MED13: variants seen among roughly 807,000 people sequenced by gnomAD.
MED13 encodes mediator complex subunit 13, also known as mediator of RNA polymerase II transcription subunit 13.
A neutral mutation model predicts 225.2 loss-of-function variants in MED13; 23 were observed. The observed-to-expected ratio is 0.10, with a 90% CI of 0.07 to 0.14. The LOEUF (loss-of-function observed/expected upper bound fraction) is 0.14. Ranked by LOEUF, MED13 falls within the 10% of genes least tolerant of loss-of-function variation. The pLI is 1.00. For missense variants in MED13, 2,197 were observed against 2,594.5 expected (o/e 0.85, Z 3.33); for synonymous variants, 942 against 889.2 (o/e 1.06, Z -1.06).
intron 3 of MED13, among the ~76,000 whole-genome samples, chr17:62,039,500 C>T (rs2080834474): frequency 1.3e-5 from 2 of 151,754 alleles, no homozygotes; most frequent in Admixed American, 6.6e-5. Flanking sequence ...CCAGGCTGGT[C>T]TCAAACTCCT....
chr17:62,014,341 C>T (rs1017702723), intron 8 of MED13, among the ~76,000 whole-genome samples: 2 of 136,066 alleles, frequency 1.5e-5, no homozygotes, highest in Non-Finnish European at 3.0e-5. Flanking sequence ...TTTTGAGACA[C>T]AGTTTCACTC....
chr17:62,049,350 G>A (rs1241923768), intron 3 of MED13, among the ~76,000 whole-genome samples: 1 of 152,198 alleles, frequency 6.6e-6, no homozygotes, highest in African/African-American at 2.4e-5. Context: ...CAGGTACACA[G>A]ATCAGGAGTC....
chr17:62,028,604 T>C (rs1215665316), intron 8 of MED13, among the ~76,000 whole-genome samples: 1 of 151,614 alleles, frequency 6.6e-6, no homozygotes, highest in Non-Finnish European at 1.5e-5. Context: ...GTATTTACTA[T>C]TAAAAAAAGA....
chr17:62,029,884 C>A lies in MED13; in HGVS notation c.1139G>T (p.Trp380Leu). ...KLANHVVDRV[W>L]QECNMNRAQN... is the part of the protein sequence containing the mutation. Reference sequence around the variant, plus strand: ...TGCTCTGTTCATATTGCATTCTTGCCAAACTCTATCCACCACATGATTTGC... The same window carrying A: ...TGCTCTGTTCATATTGCATTCTTGCAAAACTCTATCCACCACATGATTTGC... Residue 380 changes from tryptophan to leucine, a missense_variant, in exon 7 of 30, where the codon TGG (tryptophan) becomes TTG (leucine). Trp to Leu is a moderately conservative substitution (Grantham distance 61). Coordinates refer to ENST00000397786, the MANE Select transcript of MED13 (RefSeq NM_005121.3). 6.2e-7 allele frequency: 1 copy of A among 1,612,640 alleles called. No homozygotes were observed. The highest frequency in any genetic ancestry group is 8.5e-7 in the Non-Finnish European group (1 of 1,179,662).
In MED13 at chr17:62,031,419, C is replaced by T. The variant is rs762160732; in HGVS notation, c.1009+25G>A. 2.6e-6 allele frequency: 4 copies of T among 1,516,582 alleles called. No homozygotes were observed. In the African/African-American group the frequency reaches 5.6e-5, roughly 21 times the overall value. The allele number at this position is 1,516,582 out of a possible 1,614,324, so 93.9% of individuals were successfully genotyped here. On this transcript the variant is annotated intron_variant, in intron 6 of 29. Coordinates refer to ENST00000397786, the MANE Select transcript of MED13 (RefSeq NM_005121.3). ...TACACAAAATAACAAATTACCAGAG[C>T]TGATGAGACAAATTACTGCTATACC...
chr17:61,996,951 GT>G (rs1388526461), intron 9 of MED13, among the ~76,000 whole-genome samples: 10 of 152,118 alleles, frequency 6.6e-5, no homozygotes, highest in Non-Finnish European at 1.2e-4. Flanking sequence ...AGACTGAGAT[GT>G]TTTTGCATTA....
chr17:62,012,346 T>TG (rs2080518852), intron 8 of MED13, among the ~76,000 whole-genome samples: 2 of 132,546 alleles, frequency 1.5e-5, no homozygotes, highest in African/African-American at 6.7e-5. Context: ...TTTTTTTTTT[T>TG]GAGAGGGAGT....
rs1429349619 is a variant in MED13 at position 61,944,297 on chromosome 17, C to T, written c.*2171G>A. The T allele has an allele frequency of 3.3e-5, 5 of 151,482 alleles. No individual in the cohort carries two copies. Among genetic ancestry groups the T allele is most frequent in the African/African-American group, 1.2e-4 (5 of 41,090 alleles). The allele number at this position is 151,482 out of a possible 1,614,324, so 9.4% of individuals were successfully genotyped here. A position where few individuals can be genotyped will look rare whatever the true frequency, so the allele number is the denominator to read the frequency against. On this transcript the variant is annotated 3_prime_UTR_variant, in exon 30 of 30. Coordinates refer to ENST00000397786, the MANE Select transcript of MED13 (RefSeq NM_005121.3). Reference sequence around the variant, plus strand: ...ATATAACTTTTATTTTGTAAAGTCACTATTAAGTGTATAAAAAGGATACTC... The same window carrying T: ...ATATAACTTTTATTTTGTAAAGTCATTATTAAGTGTATAAAAAGGATACTC...
intron 8 of MED13, among the ~76,000 whole-genome samples, chr17:62,016,617 T>C (rs542737793): frequency 6.6e-6 from 1 of 152,282 alleles, no homozygotes; most frequent in African/African-American, 2.4e-5. Context: ...ATACCAATTT[T>C]CCAAGACATG....
At chr17:62,001,010 C>T (rs1234629972) in intron 9 of MED13, among the ~76,000 whole-genome samples, 2 of 152,208 alleles carry the variant, frequency 1.3e-5, no homozygotes, top group African/African-American at 4.8e-5. Flanking sequence ...GATCCACCCA[C>T]CTCGGCCTCC....
chr17:61,955,839 CTG>C lies in MED13; in HGVS notation c.5624-3_5624-2del. Reference sequence around the variant, plus strand: ...CGACGACTCAGCAAACAGCTCCAATCTGTGGGTATCAACAGTAAAAAAAAAAA... The same window carrying C: ...CGACGACTCAGCAAACAGCTCCAATCTGGGTATCAACAGTAAAAAAAAAAA... On this transcript the variant is annotated splice_acceptor_variant and splice_polypyrimidine_tract_variant and intron_variant, in intron 24 of 29. Coordinates refer to ENST00000397786, the MANE Select transcript of MED13 (RefSeq NM_005121.3). LOFTEE classifies it high-confidence loss of function. The C allele has an allele frequency of 1.2e-6, 1 of 856,186 alleles. No homozygotes were observed. Among genetic ancestry groups the C allele is most frequent in the Non-Finnish European group, 1.7e-6 (1 of 599,928 alleles). The allele number at this position is 856,186 out of a possible 1,614,324, so 53.0% of individuals were successfully genotyped here. A position where few individuals can be genotyped will look rare whatever the true frequency, so the allele number is the denominator to read the frequency against.
intron 3 of MED13, 64 bp downstream of exon 3, chr17:62,052,473 T>C (rs1202793073): frequency 1.6e-6 from 2 of 1,255,534 alleles, no homozygotes; most frequent in East Asian, 4.8e-5. Flanking sequence ...TCCCACATTC[T>C]CTGTTAAGAC....
chr17:61,990,273 C>G (rs1187043760), intron 11 of MED13, among the ~76,000 whole-genome samples: 1 of 152,056 alleles, frequency 6.6e-6, no homozygotes, highest in Non-Finnish European at 1.5e-5. Flanking sequence ...TTGATCTACC[C>G]ATTCCACTAT....
intron 8 of MED13, among the ~76,000 whole-genome samples, chr17:62,019,636 TAGC>T (rs2080617979): frequency 6.6e-6 from 1 of 152,214 alleles, no homozygotes; most frequent in Admixed American, 6.5e-5. Flanking sequence ...TACATACTAA[TAGC>T]AGCAGTTCTC....
intron 3 of MED13, among the ~76,000 whole-genome samples, chr17:62,047,898 C>G: frequency 6.6e-6 from 1 of 151,354 alleles, no homozygotes; most frequent in East Asian, 1.9e-4. Context: ...TTATCAATAG[C>G]CTTTTAAGAG....
intron 2 of MED13, among the ~76,000 whole-genome samples, chr17:62,053,187 C>T (rs577344608): frequency 5.6e-4 from 85 of 152,300 alleles, no homozygotes; most frequent in African/African-American, 2.0e-3. Context: ...GACTCCACTA[C>T]AACACTAAGT....
At chr17:62,032,056 C>T (rs914042716) in intron 5 of MED13, among the ~76,000 whole-genome samples, 2 of 151,848 alleles carry the variant, frequency 1.3e-5, no homozygotes, top group African/African-American at 4.8e-5. Context: ...CTATATGCCT[C>T]TATTTTAAAA....
At chr17:62,013,669 G>A (rs569150643) in intron 8 of MED13, among the ~76,000 whole-genome samples, 6 of 152,226 alleles carry the variant, frequency 3.9e-5, no homozygotes, top group African/African-American at 1.4e-4. Flanking sequence ...TTTACCCAAT[G>A]CAATAAGGCA....
In MED13 at chr17:62,001,384, A is replaced by AT. The variant is rs1184046104; in HGVS notation, c.1968-6020_1968-6019insA. Among the ~76,000 whole-genome samples the AT allele has an allele frequency of 3.9e-4, 59 of 152,332 alleles. No homozygotes were observed. In the East Asian group the frequency reaches 0.011, roughly 29 times the overall value. On this transcript the variant is annotated intron_variant, in intron 9 of 29. Transcript: ENST00000397786. ...ACATCACTTTCTATATGAGTTGTCC[A>AT]AACTGATCTCCTTTCACACAGACAT... is the stretch of plus-strand genomic sequence containing the variant.
Sources: allele counts gnomAD v4.1 joint callset (sites outside exome capture counted in the v4.1 genomes callset), GRCh38; gene constraint gnomAD v4.1.1; transcripts MANE v1.5; gene names NCBI Gene and HGNC (gene_info 2026-07-23, HGNC 2026-07-21).